GRIN2B: variants seen among roughly 807,000 people sequenced by gnomAD.
The protein encoded by GRIN2B is glutamate receptor ionotropic, NMDA 2B.
GRIN2B carries 5 observed loss-of-function variants against 114.5 expected under a neutral mutation model. The ratio of observed to expected loss-of-function variants is 0.04; its 90% CI spans 0.02 to 0.09. The LOEUF (loss-of-function observed/expected upper bound fraction) is 0.09, where lower values mean the gene tolerates loss of function less well. Among genes scored for constraint, GRIN2B ranks in the 10% least tolerant of loss-of-function variants. GRIN2B has a pLI of 1.00. For synonymous variants in GRIN2B, 787 were observed against 745.1 expected (o/e 1.06, Z -0.92); for missense variants, 1,108 against 1,943.5 (o/e 0.57, Z 8.08).
intron 4 of GRIN2B, among the ~76,000 whole-genome samples, chr12:13,683,212 A>C (rs1224564060): frequency 6.6e-6 from 1 of 152,178 alleles, no homozygotes; most frequent in Non-Finnish European, 1.5e-5. Flanking sequence ...AAATCTGGAC[A>C]ATGCCCCAAA....
In GRIN2B at chr12:13,540,410, T is replaced by C. The variant is rs1948261974; in HGVS notation, c.*22373A>G. The C allele has an allele frequency of 6.6e-6, 1 of 152,058 alleles. No individual in the cohort carries two copies. The highest frequency in any genetic ancestry group is 1.5e-5 in the Non-Finnish European group (1 of 68,018). 9.4% of individuals were successfully genotyped at this position (152,058 alleles called of 1,614,324 possible). A position where few individuals can be genotyped will look rare whatever the true frequency, so the allele number is the denominator to read the frequency against. ...TTTTTTAATTCGTTTTAATTTTTGT[T>C]CCTGCATCATTTGAACAAGTCCAAA... On this transcript the variant is annotated 3_prime_UTR_variant, in exon 14 of 14. Coordinates refer to ENST00000609686, the MANE Select transcript of GRIN2B (RefSeq NM_000834.5).
intron 10 of GRIN2B, among the ~76,000 whole-genome samples, chr12:13,574,784 A>G (rs1196670543): frequency 6.6e-6 from 1 of 152,236 alleles, no homozygotes; most frequent in African/African-American, 2.4e-5. Context: ...AGCCAAGATA[A>G]CTTTGAAAAA....
chr12:13,743,163 T>C (rs1217878179), intron 4 of GRIN2B, among the ~76,000 whole-genome samples: 2 of 152,176 alleles, frequency 1.3e-5, no homozygotes, highest in South Asian at 2.1e-4. Flanking sequence ...TGTGTAAAAT[T>C]AGAGTAAACG....
intron 3 of GRIN2B, among the ~76,000 whole-genome samples, chr12:13,792,277 T>C (rs1864334882): frequency 6.6e-6 from 1 of 152,082 alleles, no homozygotes; most frequent in Non-Finnish European, 1.5e-5. Flanking sequence ...ACAGAGGAGC[T>C]CCCTAGAGGA....
chr12:13,898,130 A>G (rs2136784172), intron 2 of GRIN2B, among the ~76,000 whole-genome samples: 1 of 152,292 alleles, frequency 6.6e-6, no homozygotes, highest in Middle Eastern at 3.4e-3. Flanking sequence ...GAATATAGAC[A>G]GGGGTTAAGT....
intron 2 of GRIN2B, among the ~76,000 whole-genome samples, chr12:13,975,878 GT>G (rs1225620739): frequency 6.6e-6 from 1 of 152,228 alleles, no homozygotes; most frequent in Non-Finnish European, 1.5e-5. Flanking sequence ...GCCATGGAGA[GT>G]TTCACCAAGG....
Position 13,557,179 on chromosome 12 carries a change from C to T in GRIN2B, c.*5604G>A, listed in dbSNP as rs762289490. 5.3e-5 allele frequency: 8 copies of T among 152,130 alleles called. No individual in the cohort carries two copies. The East Asian group carries it at 1.2e-3, about 22-fold the overall frequency. 9.4% of individuals were successfully genotyped at this position (152,130 alleles called of 1,614,324 possible). A position where few individuals can be genotyped will look rare whatever the true frequency, so the allele number is the denominator to read the frequency against. ...AGATATCCTATGATTTTATACAATA[C>T]TGCAACCCCACCCCCCAAACTAGAA... On this transcript the variant is annotated 3_prime_UTR_variant, in exon 14 of 14. Coordinates refer to ENST00000609686, the MANE Select transcript of GRIN2B (RefSeq NM_000834.5).
At chr12:13,846,219 A>T (rs1179102743) in intron 3 of GRIN2B, among the ~76,000 whole-genome samples, 1 of 151,684 alleles carries the variant, frequency 6.6e-6, no homozygotes, top group African/African-American at 2.4e-5. Flanking sequence ...TTTCCACTCT[A>T]ACATCTACAC....
intron 2 of GRIN2B, among the ~76,000 whole-genome samples, chr12:13,954,335 C>A (rs1006554274): frequency 2.0e-5 from 3 of 152,196 alleles, no homozygotes; most frequent in African/African-American, 7.2e-5. Flanking sequence ...TCCACTGCAA[C>A]AACTGGCCCC....
intron 3 of GRIN2B, among the ~76,000 whole-genome samples, chr12:13,845,064 G>C (rs959151101): frequency 6.6e-6 from 1 of 152,146 alleles, no homozygotes; most frequent in Non-Finnish European, 1.5e-5. Flanking sequence ...AAGATGAGGA[G>C]TAAAGGGGCT....
chr12:13,637,409 A>C (rs1470154240), intron 5 of GRIN2B, among the ~76,000 whole-genome samples: 1 of 152,172 alleles, frequency 6.6e-6, no homozygotes, highest in Non-Finnish European at 1.5e-5. Flanking sequence ...AGGTTAAAAA[A>C]TGTAAGTATA....
chr12:13,727,333 G>A (rs1006871725), intron 4 of GRIN2B, among the ~76,000 whole-genome samples: 1 of 152,174 alleles, frequency 6.6e-6, no homozygotes, highest in Non-Finnish European at 1.5e-5. Context: ...CTCATGTCTA[G>A]TCTATGTTTT....
intron 4 of GRIN2B, among the ~76,000 whole-genome samples, chr12:13,691,859 A>C (rs533941078): frequency 7.2e-5 from 11 of 152,286 alleles, no homozygotes; most frequent in African/African-American, 2.6e-4. Flanking sequence ...GTGTTGGTGG[A>C]AAGAGAAGAC....
chr12:13,650,819 T>C (rs1212352701), intron 5 of GRIN2B, among the ~76,000 whole-genome samples: 1 of 152,168 alleles, frequency 6.6e-6, no homozygotes, highest in Non-Finnish European at 1.5e-5. Context: ...CTATCTTTCC[T>C]GCTAGAATGA....
chr12:13,714,874 C>T (rs1000615771), intron 4 of GRIN2B, among the ~76,000 whole-genome samples: 4 of 151,948 alleles, frequency 2.6e-5, no homozygotes, highest in South Asian at 2.1e-4. Flanking sequence ...ACTCTTTTCT[C>T]GTCATATACC....
chr12:13,826,943 G>T (rs1865048032), intron 3 of GRIN2B, among the ~76,000 whole-genome samples: 1 of 148,562 alleles, frequency 6.7e-6, no homozygotes. Flanking sequence ...CCTTTATTTT[G>T]CCTTTACATA....
chr12:13,701,816 C>A (rs1950315788), intron 4 of GRIN2B, among the ~76,000 whole-genome samples: 1 of 152,208 alleles, frequency 6.6e-6, no homozygotes, highest in Non-Finnish European at 1.5e-5. Context: ...CACCAATCCT[C>A]CTGAACACAG....
Position 13,569,586 on chromosome 12 carries a change from G to A in GRIN2B, c.2359+244C>T, listed in dbSNP as rs550395063. Among the ~76,000 whole-genome samples, 9 of 152,312 alleles carry A rather than the reference G, an allele frequency of 5.9e-5. 1 individual carries two copies. The East Asian group carries it at 7.7e-4, about 13-fold the overall frequency. On this transcript the variant is annotated intron_variant, in intron 12 of 13. Coordinates refer to ENST00000609686, the MANE Select transcript of GRIN2B (RefSeq NM_000834.5). Reference sequence around the variant, plus strand: ...AAGAGATTGACCCTGCTGGCACTGTGATTTCAGACGTCTAGTCTCTGGAAA... The same window carrying A: ...AAGAGATTGACCCTGCTGGCACTGTAATTTCAGACGTCTAGTCTCTGGAAA...
intron 2 of GRIN2B, among the ~76,000 whole-genome samples, chr12:13,890,136 G>A (rs916326000): frequency 2.6e-5 from 4 of 152,098 alleles, no homozygotes; most frequent in East Asian, 1.9e-4. Flanking sequence ...GGCCTATCTC[G>A]TTTCATGGAC....
Sources: gnomAD v4.1 joint callset for allele counts (sites outside exome capture counted in the v4.1 genomes callset) on GRCh38, gnomAD v4.1.1 for gene constraint, MANE v1.5 for transcripts, NCBI Gene and HGNC (gene_info 2026-07-23, HGNC 2026-07-21) for gene names.